STAM2: variants seen among roughly 807,000 people sequenced by gnomAD.
STAM2 encodes signal transducing adapter molecule 2.
Under a neutral mutation model 65.6 loss-of-function variants are expected in STAM2, and 51 were observed. The ratio of observed to expected loss-of-function variants is 0.78; its 90% CI spans 0.62 to 0.98. STAM2 has a LOEUF of 0.98. Ranked by LOEUF, STAM2 falls within the 50% of genes least tolerant of loss-of-function variation. The probability of loss-of-function intolerance (pLI) is 0.00; values close to 1 mark genes in which losing one functional copy is unlikely to be tolerated. For synonymous variants in STAM2, 198 were observed against 208.4 expected, an observed-to-expected ratio of 0.95 and a Z score of 0.43; for missense variants, 584 against 617.8, an observed-to-expected ratio of 0.95 and a Z score of 0.58.
chr2:152,159,153 A>G (rs947171705), intron 1 of STAM2, among the ~76,000 whole-genome samples: 8 of 147,718 alleles, frequency 5.4e-5, no homozygotes, highest in African/African-American at 2.0e-4. Flanking sequence ...AGCAGAAACA[A>G]GAAGCTGGGC....
At chr2:152,135,664 T>C (rs1689140338) in intron 7 of STAM2, 61 bp from the exon 8 acceptor site, 16 of 1,134,352 alleles carry the variant, frequency 1.4e-5, no homozygotes, top group Admixed American at 6.5e-5. Context: ...TAAGCAAAGA[T>C]GAATTAAAAA....
At chr2:152,134,748 G>T (rs537425864) in intron 8 of STAM2, among the ~76,000 whole-genome samples, 1 of 152,246 alleles carries the variant, frequency 6.6e-6, no homozygotes, top group African/African-American at 2.4e-5. Context: ...AGATTGAAAT[G>T]CAATAGTACA....
chr2:152,151,952 C>G (rs1689453598), intron 1 of STAM2, among the ~76,000 whole-genome samples: 1 of 152,056 alleles, frequency 6.6e-6, no homozygotes, highest in South Asian at 2.1e-4. Context: ...GGTTGGTTGG[C>G]TTACTGAGAC....
At chr2:152,130,228 A>G (rs1689033834) in intron 11 of STAM2, among the ~76,000 whole-genome samples, 1 of 152,140 alleles carries the variant, frequency 6.6e-6, no homozygotes, top group South Asian at 2.1e-4. Context: ...TACCCCCTTC[A>G]GTGTTGCTCC....
chr2:152,152,062 T>C (rs1185337357), intron 1 of STAM2, among the ~76,000 whole-genome samples: 9 of 152,074 alleles, frequency 5.9e-5, no homozygotes, highest in Admixed American at 1.3e-4. Flanking sequence ...CACCTCAGCT[T>C]CCCGAGTAGC....
rs763671880 is a variant in STAM2 at position 152,175,652 on chromosome 2, G to C, written c.-10C>G. 8 of 1,611,208 alleles carry C rather than the reference G, an allele frequency of 5.0e-6. No homozygotes were observed. The Middle Eastern group carries it at 1.3e-3, about 266-fold the overall frequency. Reference sequence around the variant, plus strand: ...CGGTGAACAAAGGCATCTCGCCGGCGCCCGAGCCCTAGTCGCTGCTGTCTA... The same window carrying C: ...CGGTGAACAAAGGCATCTCGCCGGCCCCCGAGCCCTAGTCGCTGCTGTCTA... On this transcript the variant is annotated 5_prime_UTR_variant, in exon 1 of 14. Transcript: ENST00000263904.
chr2:152,165,966 G>A (rs1486594999), intron 1 of STAM2, among the ~76,000 whole-genome samples: 1 of 152,160 alleles, frequency 6.6e-6, no homozygotes, highest in East Asian at 1.9e-4. Flanking sequence ...ACTGCGGGAG[G>A]TCAAGGCGGG....
At chr2:152,170,147 C>T (rs1689872811) in intron 1 of STAM2, among the ~76,000 whole-genome samples, 1 of 151,666 alleles carries the variant, frequency 6.6e-6, no homozygotes, top group Admixed American at 6.6e-5. Context: ...AAGAGCTACA[C>T]TTCTACTGAA....
chr2:152,168,144 A>G (rs1354100117), intron 1 of STAM2, among the ~76,000 whole-genome samples: 1 of 150,614 alleles, frequency 6.6e-6, no homozygotes, highest in African/African-American at 2.4e-5. Flanking sequence ...CCTACCCTAC[A>G]TACTTATATA....
chr2:152,166,462 T>C (rs377022990), intron 1 of STAM2, among the ~76,000 whole-genome samples: 4 of 152,310 alleles, frequency 2.6e-5, no homozygotes, highest in African/African-American at 9.6e-5. Context: ...TAACCAGAGT[T>C]TGATATCCTA....
Position 152,118,872 on chromosome 2 carries a change from T to C in STAM2, c.*1702A>G, listed in dbSNP as rs927193787. The C allele has an allele frequency of 5.3e-5, 8 of 152,140 alleles. No homozygotes were observed. The highest frequency in any genetic ancestry group is 1.9e-4 in the African/African-American group (8 of 41,450). The allele number at this position is 152,140 out of a possible 1,614,324, so 9.4% of individuals were successfully genotyped here. A position where few individuals can be genotyped will look rare whatever the true frequency, so the allele number is the denominator to read the frequency against. On this transcript the variant is annotated 3_prime_UTR_variant, in exon 14 of 14. Coordinates refer to ENST00000263904, the MANE Select transcript of STAM2 (RefSeq NM_005843.6). ...AAAACTTTCTGTTCAGTTATTTGTATCTGAAGTTAAGACAATGACATAAAC... is the reference window on the plus strand; with the variant it reads ...AAAACTTTCTGTTCAGTTATTTGTACCTGAAGTTAAGACAATGACATAAAC...
intron 12 of STAM2, 71 bp downstream of exon 12, chr2:152,126,155 C>T: frequency 7.8e-7 from 1 of 1,278,098 alleles, no homozygotes; most frequent in Non-Finnish European, 1.0e-6. Context: ...TAATACTATG[C>T]TATAAAACAT....
chr2:152,157,872 A>G (rs1486706616), intron 1 of STAM2, among the ~76,000 whole-genome samples: 1 of 152,246 alleles, frequency 6.6e-6, no homozygotes, highest in Non-Finnish European at 1.5e-5. Context: ...CCCCAATAAT[A>G]TTACAACCTG....
At chr2:152,143,529 G>T (rs760987940) in intron 7 of STAM2, among the ~76,000 whole-genome samples, 1 of 152,108 alleles carries the variant, frequency 6.6e-6, no homozygotes, top group African/African-American at 2.4e-5. Context: ...ACACACAACT[G>T]CCAACGTAAA....
rs70974824 is a variant in STAM2, at chr2:152,153,885, T to TACACACACACAC, written c.41-3668_41-3657dup. Among the ~76,000 whole-genome samples the TACACACACACAC allele has an allele frequency of 2.2e-3, 312 of 144,942 alleles. 2 individuals are homozygous for TACACACACACAC. The highest frequency in any genetic ancestry group is 5.3e-3 in the African/African-American group (205 of 38,852). On this transcript the variant is annotated intron_variant, in intron 1 of 13. Coordinates refer to ENST00000263904, the MANE Select transcript of STAM2 (RefSeq NM_005843.6). ...GATGCATATCCTTCCAGACATTACA[T>TACACACACACAC]ACACACACACACACACACACACACA...
intron 13 of STAM2, among the ~76,000 whole-genome samples, chr2:152,123,054 G>C (rs1044772716): frequency 6.6e-6 from 1 of 151,658 alleles, no homozygotes; most frequent in African/African-American, 2.4e-5. Context: ...CTGGGCGACT[G>C]AGTGAGACCT....
intron 1 of STAM2, among the ~76,000 whole-genome samples, chr2:152,152,521 C>CCTGGGTGA (rs753819996): frequency 5.3e-5 from 8 of 151,820 alleles, no homozygotes; most frequent in Non-Finnish European, 1.0e-4. Context: ...TGCACTCTAG[C>CCTGGGTGA]CTGGGTGACA....
chr2:152,169,546 G>A lies in STAM2; in HGVS notation c.40+6057C>T, dbSNP rs998931835. ...CCAAGTGTTTGGATTGCAGGTGTGA[G>A]TCACTGCACCCTGCCATCAATTTTT... is the stretch of plus-strand genomic sequence containing the variant. On this transcript the variant is annotated intron_variant, in intron 1 of 13. Transcript: ENST00000263904. 2.6e-5 allele frequency among the ~76,000 whole-genome samples: 4 copies of A among 152,270 alleles called. No homozygotes were observed. The East Asian group carries it at 7.7e-4, about 29-fold the overall frequency.
chr2:152,127,997 G>A (rs1046405184), intron 11 of STAM2, among the ~76,000 whole-genome samples: 2 of 152,166 alleles, frequency 1.3e-5, no homozygotes, highest in African/African-American at 4.8e-5. Context: ...CCTGGACTGA[G>A]TCCTATCAAG....
Sources: allele counts gnomAD v4.1 joint callset (sites outside exome capture counted in the v4.1 genomes callset), GRCh38; gene constraint gnomAD v4.1.1; transcripts MANE v1.5; gene names NCBI Gene and HGNC (gene_info 2026-07-23, HGNC 2026-07-21).